The following CDH22 variants were observed in gnomAD, a reference collection of about 807,000 sequenced individuals.
CDH22 encodes cadherin-22.
A neutral mutation model predicts 58.4 loss-of-function variants in CDH22; 30 were observed. The ratio of observed to expected loss-of-function variants is 0.51; its 90% confidence interval spans 0.38 to 0.70. The LOEUF (loss-of-function observed/expected upper bound fraction) is 0.70, where lower values mean the gene tolerates loss of function less well. Ranked by LOEUF, CDH22 falls within the 30% of genes least tolerant of loss-of-function variation. The pLI, the probability that CDH22 is intolerant of heterozygous loss-of-function variation, is 0.00. For synonymous variants in CDH22, 513 were observed against 558.2 expected (o/e 0.92, Z 1.14); for missense variants, 1,014 against 1,233.9 (o/e 0.82, Z 2.67).
chr20:46,259,629 C>T (rs1211553851), intron 1 of CDH22, among the ~76,000 whole-genome samples: 2 of 152,202 alleles, frequency 1.3e-5, no homozygotes, highest in African/African-American at 4.8e-5. Flanking sequence ...GGAAGAGCTC[C>T]TATCTCCTTG....
At chr20:46,274,897 C>A (rs1273376324) in intron 1 of CDH22, among the ~76,000 whole-genome samples, 2 of 151,464 alleles carry the variant, frequency 1.3e-5, no homozygotes, top group Non-Finnish European at 2.9e-5. Context: ...ATAGGCAACT[C>A]TATAGAGACA....
intron 1 of CDH22, among the ~76,000 whole-genome samples, chr20:46,292,955 T>C (rs565951123): frequency 4.6e-5 from 7 of 152,186 alleles, no homozygotes; most frequent in Admixed American, 3.9e-4. Context: ...TGTGTGTATG[T>C]GTGTCTTCCC....
At chr20:46,296,319 C>T (rs968532982) in intron 1 of CDH22, among the ~76,000 whole-genome samples, 8 of 152,164 alleles carry the variant, frequency 5.3e-5, no homozygotes, top group Admixed American at 1.3e-4. Context: ...CTCATTATCT[C>T]GTTCATTCCA....
At chr20:46,198,508 G>A (rs1427322882) in intron 8 of CDH22, among the ~76,000 whole-genome samples, 1 of 151,320 alleles carries the variant, frequency 6.6e-6, no homozygotes, top group Non-Finnish European at 1.5e-5. Flanking sequence ...CCTGGGCCAG[G>A]CCATGGTCCT....
Position 46,241,907 on chromosome 20 carries a change from T to C in CDH22, c.256-650A>G, listed in dbSNP as rs955238597. ...TAGGTCTGGGGCCAGGCCTCAGACT[T>C]TGCATTTCTAACAAACTTCCAGGCT... On this transcript the variant is annotated intron_variant, in intron 2 of 11. Coordinates refer to ENST00000537909, the MANE Select transcript of CDH22 (RefSeq NM_021248.3). This position sits in a 1 kb window ranked among gnomAD's most constrained non-coding sequence, Gnocchi z 5.2. Among the ~76,000 whole-genome samples the C allele has an allele frequency of 7.9e-5, 12 of 152,172 alleles. No homozygotes were observed. Among genetic ancestry groups the C allele is most frequent in the Admixed American group, 3.9e-4 (6 of 15,286 alleles).
chr20:46,227,740 G>A (rs2086189530), intron 3 of CDH22, 113 bp from the exon 4 acceptor site: 18 of 1,451,640 alleles, frequency 1.2e-5, no homozygotes, highest in Non-Finnish European at 1.6e-5. Context: ...AGACCTGCGG[G>A]AGGCCATCGA....
intron 2 of CDH22, among the ~76,000 whole-genome samples, chr20:46,245,238 C>T (rs1322947956): frequency 6.6e-6 from 1 of 152,174 alleles, no homozygotes; most frequent in Non-Finnish European, 1.5e-5. Context: ...GGGCCATGAT[C>T]CAATCAATGC....
chr20:46,216,718 C>T lies in CDH22; in HGVS notation c.838+108G>A, dbSNP rs1236349331. ...AGACAGACAGAAAGAGAGGGGGAAGCCCTTCTTTTGGTGGGAAGTCTAAAG... is the reference window on the plus strand; with the variant it reads ...AGACAGACAGAAAGAGAGGGGGAAGTCCTTCTTTTGGTGGGAAGTCTAAAG... On this transcript the variant is annotated intron_variant, in intron 5 of 11. Transcript: ENST00000537909. This position sits in a 1 kb window ranked among gnomAD's most constrained non-coding sequence, Gnocchi z 5.3. The T allele has an allele frequency of 1.3e-5, 13 of 1,038,562 alleles. No homozygotes were observed. Among genetic ancestry groups the T allele is most frequent in the Non-Finnish European group, 1.9e-5 (13 of 694,964 alleles). The allele number at this position is 1,038,562 out of a possible 1,614,324, so 64.3% of individuals were successfully genotyped here.
intron 3 of CDH22, among the ~76,000 whole-genome samples, chr20:46,231,076 A>G (rs1417443143): frequency 1.3e-5 from 2 of 152,166 alleles, no homozygotes; most frequent in African/African-American, 4.8e-5. Context: ...TCCCTCCCCT[A>G]CAGCTGGTCC....
intron 8 of CDH22, among the ~76,000 whole-genome samples, chr20:46,190,654 T>G (rs1364263300): frequency 1.3e-5 from 2 of 152,244 alleles, no homozygotes; most frequent in Non-Finnish European, 2.9e-5. Context: ...ACATTCAATA[T>G]TTTTAAACTA....
chr20:46,264,847 C>T (rs2086450429), intron 1 of CDH22, among the ~76,000 whole-genome samples: 5 of 148,766 alleles, frequency 3.4e-5, no homozygotes, highest in African/African-American at 9.7e-5. Flanking sequence ...CACACACACA[C>T]ACCGTGCACA....
chr20:46,174,842 GC>G lies in CDH22; in HGVS notation c.2150del (p.Gly717AlafsTer187). On this transcript the variant is annotated frameshift_variant, in exon 12 of 12. Transcript: ENST00000537909. LOFTEE classifies it low-confidence loss of function (END_TRUNC). The surrounding 1 kb of genome is among the most constrained non-coding windows in gnomAD (Gnocchi z 4.4). ...GGTGGGCCTGCGGGGGGCTGCCCGC[GC>G]CCCCGCCCGAGCCCCCGCCCGCTCC... is the stretch of plus-strand genomic sequence containing the variant. The part of the protein sequence containing the change: ...GGGAGGGSGG[G>X]AGSPPQAHLP... 1.5e-6 allele frequency: 2 copies of G among 1,324,344 alleles called. No homozygotes were observed. The highest frequency in any genetic ancestry group is 1.9e-6 in the Non-Finnish European group (2 of 1,042,574). The allele number at this position is 1,324,344 out of a possible 1,614,324, so 82.0% of individuals were successfully genotyped here.
chr20:46,275,562 A>G (rs2086513469), intron 1 of CDH22, among the ~76,000 whole-genome samples: 1 of 152,138 alleles, frequency 6.6e-6, no homozygotes, highest in African/African-American at 2.4e-5. Context: ...CTTCAAGGGG[A>G]TAGGAATCTT....
rs2086076567 is a variant in CDH22, at chr20:46,215,330, G to T, written c.838+1496C>A. ...CAGCAAAGAAAATGAATAAATTACA[G>T]CTACCAGCAACATAAGTTCATAAAC... On this transcript the variant is annotated intron_variant, in intron 5 of 11. Coordinates refer to ENST00000537909, the MANE Select transcript of CDH22 (RefSeq NM_021248.3). Among the ~76,000 whole-genome samples, 3 of 152,156 alleles carry T rather than the reference G, an allele frequency of 2.0e-5. No individual in the cohort carries two copies. The South Asian group carries it at 6.2e-4, about 32-fold the overall frequency.
chr20:46,174,192 T>G lies in CDH22; in HGVS notation c.*314A>C. 21 of 389,786 alleles carry G rather than the reference T, an allele frequency of 5.4e-5. No homozygotes were observed. Among genetic ancestry groups the G allele is most frequent in the East Asian group, 2.5e-4 (5 of 20,276 alleles). The allele number at this position is 389,786 out of a possible 1,614,324, so 24.1% of individuals were successfully genotyped here. A position where few individuals can be genotyped will look rare whatever the true frequency, so the allele number is the denominator to read the frequency against. On this transcript the variant is annotated 3_prime_UTR_variant, in exon 12 of 12. Transcript: ENST00000537909. This position sits in a 1 kb window ranked among gnomAD's most constrained non-coding sequence, Gnocchi z 4.4. ...TCCAGCATTCTCCCCCAGGCCAGGA[T>G]TGAGTGACCCGCCCCTTCCCGACTC...
chr20:46,192,390 GTC>G (rs1568653368), intron 8 of CDH22, among the ~76,000 whole-genome samples: 1 of 152,168 alleles, frequency 6.6e-6, no homozygotes, highest in Non-Finnish European at 1.5e-5. Context: ...TTCAGAAACA[GTC>G]TAGTGCTGGG....
At chr20:46,284,753 G>A (rs542164619) in intron 1 of CDH22, among the ~76,000 whole-genome samples, 3 of 152,248 alleles carry the variant, frequency 2.0e-5, no homozygotes, top group East Asian at 3.9e-4. Context: ...ACCAAAGCAC[G>A]CCATTTCTGT....
At chr20:46,233,361 T>A (rs2086232424) in intron 3 of CDH22, among the ~76,000 whole-genome samples, 1 of 152,178 alleles carries the variant, frequency 6.6e-6, no homozygotes, top group Non-Finnish European at 1.5e-5. Flanking sequence ...CTCTCTTATA[T>A]CCCAAATAGA....
At position 46,251,547 on chromosome 20, in the gene CDH22, C is replaced by G. The variant is rs1289278179; in HGVS notation, c.-253G>C. The G allele has an allele frequency of 3.3e-6, 1 of 302,856 alleles. No homozygotes were observed. The highest frequency in any genetic ancestry group is 6.0e-6 in the Non-Finnish European group (1 of 167,330). 18.8% of individuals were successfully genotyped at this position (302,856 alleles called of 1,614,324 possible). On this transcript the variant is annotated 5_prime_UTR_variant, in exon 2 of 12. Transcript: ENST00000537909. This position sits in a 1 kb window ranked among gnomAD's most constrained non-coding sequence, Gnocchi z 6.7. ...CAGCCCCCGGGGTGCCCGCCCGCGC[C>G]CCCGTCGCCGCGTCGCGTGCGGATC... is the stretch of plus-strand genomic sequence containing the variant.
Sources: gnomAD v4.1 joint callset for allele counts (sites outside exome capture counted in the v4.1 genomes callset) on GRCh38, gnomAD v4.1.1 for gene constraint, Gnocchi (gnomAD v3.1) non-coding constraint, MANE v1.5 for transcripts, NCBI Gene and HGNC (gene_info 2026-07-23, HGNC 2026-07-21) for gene names.